PTPRG: variants seen among roughly 807,000 people sequenced by gnomAD.
PTPRG encodes the protein receptor-type tyrosine-protein phosphatase gamma.
Under a neutral mutation model 165.3 loss-of-function variants are expected in PTPRG, and 102 were observed. That is an observed-to-expected ratio of 0.62 (90% confidence interval 0.53 to 0.73). The LOEUF (loss-of-function observed/expected upper bound fraction) is 0.73, where lower values mean the gene tolerates loss of function less well. Among genes scored for constraint, PTPRG ranks in the 30% least tolerant of loss-of-function variants. PTPRG has a pLI of 0.00. For missense variants in PTPRG, 1,866 were observed against 1,861.4 expected (o/e 1.00, Z -0.05); for synonymous variants, 675 against 669.5 (o/e 1.01, Z -0.13).
chr3:61,612,249 G>C (rs962302295), intron 1 of PTPRG, among the ~76,000 whole-genome samples: 5 of 152,184 alleles, frequency 3.3e-5, no homozygotes, highest in Admixed American at 2.6e-4. Context: ...CCTGGCCACT[G>C]TAAGGCTTTT....
At chr3:62,256,805 T>G (rs1701546758) in intron 16 of PTPRG, among the ~76,000 whole-genome samples, 1 of 152,170 alleles carries the variant, frequency 6.6e-6, no homozygotes. Context: ...TTGACACCAT[T>G]TAATTATTCA....
intron 1 of PTPRG, among the ~76,000 whole-genome samples, chr3:61,590,659 T>C (rs966001933): frequency 1.3e-4 from 20 of 152,258 alleles, no homozygotes; most frequent in African/African-American, 4.6e-4. Context: ...CAAAAGTATA[T>C]TTATAGAAAT....
chr3:61,827,281 A>C (rs2036141646), intron 2 of PTPRG, among the ~76,000 whole-genome samples: 1 of 152,232 alleles, frequency 6.6e-6, no homozygotes, highest in Non-Finnish European at 1.5e-5. Flanking sequence ...GGCATAACGT[A>C]GTTCACCCAG....
At chr3:62,221,257 C>T (rs921741870) in intron 13 of PTPRG, among the ~76,000 whole-genome samples, 2 of 152,084 alleles carry the variant, frequency 1.3e-5, no homozygotes, top group African/African-American at 2.4e-5. Context: ...TATATTTCAT[C>T]AAAAGCTTCA....
At chr3:62,021,491 T>C (rs1242065647) in intron 4 of PTPRG, among the ~76,000 whole-genome samples, 1 of 152,248 alleles carries the variant, frequency 6.6e-6, no homozygotes, top group Non-Finnish European at 1.5e-5. Context: ...TATATGTTTA[T>C]GTGTATAGTA....
intron 2 of PTPRG, among the ~76,000 whole-genome samples, chr3:61,918,830 A>G (rs1242926258): frequency 6.6e-6 from 1 of 152,140 alleles, no homozygotes; most frequent in Non-Finnish European, 1.5e-5. Flanking sequence ...CAGGTTTTAT[A>G]TTGCCAGCCA....
In PTPRG at chr3:62,277,603, C is replaced by T; in HGVS notation, c.3689C>T (p.Thr1230Ile). 2 of 1,612,638 alleles carry T rather than the reference C, an allele frequency of 1.2e-6. No individual in the cohort carries two copies. The highest frequency in any genetic ancestry group is 1.1e-5 in the South Asian group (1 of 91,058). ...FIITQHPLPH[T>I]TKDFWRMIWD... ...ATAACTCAGCATCCTCTGCCACATACTACGAAAGATTTCTGGCGAATGATT... is the reference window on the plus strand; with the variant it reads ...ATAACTCAGCATCCTCTGCCACATATTACGAAAGATTTCTGGCGAATGATT... The change falls in exon 26 of 30, where the codon ACT becomes ATT. Residue 1230 changes from threonine to isoleucine, a missense_variant. Physicochemically the swap from Thr to Ile is moderately conservative, Grantham distance 89. Around this residue, in one of 3 missense-constraint regions of PTPRG, gnomAD observed 1,452 missense variants for 1,463.0 expected, o/e 0.99. Coordinates refer to ENST00000474889, the MANE Select transcript of PTPRG (RefSeq NM_002841.4).
chr3:61,753,000 C>G (rs61627784), intron 2 of PTPRG, among the ~76,000 whole-genome samples: 1 of 152,022 alleles, frequency 6.6e-6, no homozygotes, highest in African/African-American at 2.4e-5. Context: ...ATAGGCCTAT[C>G]AAACAATGCC....
intron 4 of PTPRG, among the ~76,000 whole-genome samples, chr3:62,064,473 T>TC (rs1439026500): frequency 6.9e-6 from 1 of 145,858 alleles, no homozygotes; most frequent in African/African-American, 2.5e-5. Flanking sequence ...TGCTTCAGTC[T>TC]CCCAAATTAG....
At chr3:61,995,765 C>G (rs13075065) in intron 3 of PTPRG, among the ~76,000 whole-genome samples, 2 of 139,604 alleles carry the variant, frequency 1.4e-5, no homozygotes, top group African/African-American at 2.6e-5. Flanking sequence ...CTCTCCCTCC[C>G]TCCTTCTTTT....
At chr3:61,610,155 T>C (rs1289535231) in intron 1 of PTPRG, among the ~76,000 whole-genome samples, 1 of 151,374 alleles carries the variant, frequency 6.6e-6, no homozygotes, top group East Asian at 1.9e-4. Context: ...AGTTTCCTAA[T>C]CTGTAAAATG....
At chr3:62,039,244 G>GGTTTTTTTTTTTGGTTTTGTTTTT in intron 4 of PTPRG, among the ~76,000 whole-genome samples, 1 of 123,712 alleles carries the variant, frequency 8.1e-6, no homozygotes, top group Non-Finnish European at 1.7e-5. Flanking sequence ...CAAGAGTTAT[G>GGTTTTTTTTTTTGGTTTTGTTTTT]GTTTTTTTTT....
chr3:61,632,521 A>C (rs1701797184), intron 1 of PTPRG, among the ~76,000 whole-genome samples: 1 of 152,324 alleles, frequency 6.6e-6, no homozygotes, highest in Non-Finnish European at 1.5e-5. Context: ...CTATATGTTC[A>C]GCAGCCATTT....
intron 5 of PTPRG, chr3:62,124,089 TC>T: frequency 1.9e-6 from 1 of 526,632 alleles, no homozygotes; most frequent in African/African-American, 1.9e-5. Flanking sequence ...TTTAAAAAGG[TC>T]CATTCAACTT....
intron 2 of PTPRG, among the ~76,000 whole-genome samples, chr3:61,849,429 A>C (rs2107359131): frequency 6.6e-6 from 1 of 152,304 alleles, no homozygotes; most frequent in South Asian, 2.1e-4. Context: ...AGGTGATGAA[A>C]AAGAGTGCTA....
chr3:61,567,386 T>A (rs1453215275), intron 1 of PTPRG, among the ~76,000 whole-genome samples: 1 of 152,060 alleles, frequency 6.6e-6, no homozygotes, highest in Admixed American at 6.6e-5. Context: ...TGCAAATGAT[T>A]AAAAGATAAA....
chr3:61,896,794 G>C (rs892646578), intron 2 of PTPRG, among the ~76,000 whole-genome samples: 2 of 152,006 alleles, frequency 1.3e-5, no homozygotes, highest in African/African-American at 4.8e-5. Flanking sequence ...ATTGTAGTTT[G>C]AATCTGCATT....
At chr3:61,737,916 T>TTG (rs944590861) in intron 1 of PTPRG, among the ~76,000 whole-genome samples, 4 of 149,746 alleles carry the variant, frequency 2.7e-5, no homozygotes, top group African/African-American at 7.4e-5. Context: ...GTTTTTTTGT[T>TTG]TTTTTTTTTT....
At chr3:62,127,581 C>CT (rs543039483) in intron 5 of PTPRG, among the ~76,000 whole-genome samples, 15 of 152,280 alleles carry the variant, frequency 9.9e-5, no homozygotes, top group African/African-American at 3.6e-4. Flanking sequence ...TGCATAAATC[C>CT]TTTTTTCCCA....
Sources: gnomAD v4.1 joint callset for allele counts (sites outside exome capture counted in the v4.1 genomes callset) on GRCh38, gnomAD v4.1.1 for gene constraint, gnomAD v4.1.1 regional missense constraint, MANE v1.5 for transcripts, NCBI Gene and HGNC (gene_info 2026-07-23, HGNC 2026-07-21) for gene names.